Variants in CCDC171 observed in about 807,000 individuals in gnomAD.
CCDC171 encodes the protein coiled-coil domain-containing protein 171.
Under a neutral mutation model 168.2 loss-of-function variants are expected in CCDC171, and 177 were observed. That is an observed-to-expected ratio of 1.05 (90% confidence interval 0.93 to 1.19). The LOEUF is 1.19. CCDC171 is among the 50% of genes most tolerant of loss of function. The probability of loss-of-function intolerance (pLI) is 0.00; values close to 1 mark genes in which losing one functional copy is unlikely to be tolerated. For synonymous variants in CCDC171, 687 were observed against 540.8 expected, an observed-to-expected ratio of 1.27 and a Z score of -3.75; for missense variants, 1,991 against 1,539.0, an observed-to-expected ratio of 1.29 and a Z score of -4.91.
intron 24 of CCDC171, among the ~76,000 whole-genome samples, chr9:15,911,298 G>A (rs1563986435): frequency 6.6e-6 from 1 of 152,172 alleles, no homozygotes; most frequent in Admixed American, 6.5e-5. Context: ...AATGACCAGT[G>A]ATGATGAGCT....
chr9:15,776,924 T>C (rs1216020893), intron 18 of CCDC171, among the ~76,000 whole-genome samples: 2 of 152,230 alleles, frequency 1.3e-5, no homozygotes, highest in Admixed American at 1.3e-4. Flanking sequence ...AGACAAGTAA[T>C]GACAGATTAA....
rs373967662 is a variant in CCDC171, at chr9:15,564,050, A to T, written c.-39A>T. On this transcript the variant is annotated 5_prime_UTR_variant, in exon 2 of 26. Transcript: ENST00000380701. ...ATCATCAAGAAAGAAATATGTCATT[A>T]AGAAATAGCAGGGTATTTTGAAAGA... 144 of 1,518,386 alleles carry T rather than the reference A, an allele frequency of 9.5e-5. No homozygotes were observed. Among genetic ancestry groups the T allele is most frequent in the Non-Finnish European group, 1.1e-4 (122 of 1,100,446 alleles). 94.1% of individuals were successfully genotyped at this position (1,518,386 alleles called of 1,614,324 possible).
chr9:15,596,570 A>G (rs2042378634), intron 6 of CCDC171, among the ~76,000 whole-genome samples: 2 of 152,154 alleles, frequency 1.3e-5, no homozygotes, highest in South Asian at 2.1e-4. Context: ...GTTTGAAGTC[A>G]GGTAGCGTGA....
chr9:16,054,165 G>T (rs1833796705), intron 1 of CCDC171, among the ~76,000 whole-genome samples: 1 of 152,220 alleles, frequency 6.6e-6, no homozygotes, highest in South Asian at 2.1e-4. Context: ...TTTGTAGACA[G>T]CAGCTAGACC....
chr9:16,059,970 G>T (rs1833906891), intron 1 of CCDC171, among the ~76,000 whole-genome samples: 1 of 152,078 alleles, frequency 6.6e-6, no homozygotes, highest in Admixed American at 6.5e-5. Context: ...AGTTAATTCT[G>T]CTGTGTGAAA....
chr9:15,703,386 A>T, intron 11 of CCDC171, among the ~76,000 whole-genome samples: 1 of 152,320 alleles, frequency 6.6e-6, no homozygotes, highest in South Asian at 2.1e-4. Flanking sequence ...ATCCTTGTTT[A>T]TATCCATTAA....
intron 17 of CCDC171, 46 bp downstream of exon 17, chr9:15,744,823 A>T (rs1306878333): frequency 5.8e-6 from 9 of 1,562,694 alleles, no homozygotes; most frequent in Non-Finnish European, 7.8e-6. Flanking sequence ...ATGTAAGCGA[A>T]ATACAGTGTG....
At chr9:15,879,503 C>T (rs929178082) in intron 24 of CCDC171, among the ~76,000 whole-genome samples, 1 of 152,022 alleles carries the variant, frequency 6.6e-6, no homozygotes, top group Non-Finnish European at 1.5e-5. Context: ...ATTATAATTT[C>T]CCTATTATAC....
In CCDC171 at chr9:15,601,892, G is replaced by C. The variant is rs190253534; in HGVS notation, c.675+7720G>C. ...TTCAAAGGCCTGTGTATAAATATGT[G>C]GATGATGTGATTTTGGTCTCATTTC... is the stretch of plus-strand genomic sequence containing the variant. On this transcript the variant is annotated intron_variant, in intron 6 of 25. Transcript: ENST00000380701. Among the ~76,000 whole-genome samples the C allele has an allele frequency of 1.5e-4, 23 of 152,268 alleles. No homozygotes were observed. In the East Asian group the frequency reaches 4.1e-3, roughly 27 times the overall value.
chr9:16,005,278 C>T (rs1415496331), intron 3 of CCDC171, among the ~76,000 whole-genome samples: 1 of 152,200 alleles, frequency 6.6e-6, no homozygotes, highest in Non-Finnish European at 1.5e-5. Context: ...GACTTTTTCA[C>T]ATAGCATAGT....
At chr9:15,932,672 G>A (rs1450058353) in intron 25 of CCDC171, among the ~76,000 whole-genome samples, 2 of 151,830 alleles carry the variant, frequency 1.3e-5, no homozygotes, top group Non-Finnish European at 2.9e-5. Flanking sequence ...GAATGTGGAT[G>A]TCCTTGTTTT....
rs116823199 is a variant in CCDC171, at chr9:15,961,684, C to T, written c.3754-9925C>T. Among the ~76,000 whole-genome samples the T allele has an allele frequency of 7.0e-3, 1,063 of 152,222 alleles. 13 individuals are homozygous for T. The highest frequency in any genetic ancestry group is 0.024 in the African/African-American group (1,010 of 41,526). ...CAATTACATTTTCATTTTGACCACA[C>T]ATTTTAGAGCCATAACTATACTAAA... is the stretch of plus-strand genomic sequence containing the variant. On this transcript the variant is annotated intron_variant, in intron 25 of 25. Transcript: ENST00000380701.
rs1201037179 is a variant in CCDC171, at chr9:15,626,937, A to G, written c.822+3524A>G. On this transcript the variant is annotated intron_variant, in intron 7 of 25. Transcript: ENST00000380701. The stretch of plus-strand genomic sequence containing the variant: ...TCTGGTAGAATTTGGTTGTGAATCC[A>G]TCTGGTCCTGGACATTTTTTGGTTT... Among the ~76,000 whole-genome samples, 3 of 152,268 alleles carry G rather than the reference A, an allele frequency of 2.0e-5. No homozygotes were observed. In the East Asian group the frequency reaches 5.8e-4, roughly 29 times the overall value.
At chr9:15,953,143 T>G (rs1829400304) in intron 25 of CCDC171, among the ~76,000 whole-genome samples, 1 of 152,180 alleles carries the variant, frequency 6.6e-6, no homozygotes. Flanking sequence ...TAATTTCACT[T>G]CTTCTTTTCC....
At chr9:15,732,521 A>G (rs2054214427) in intron 16 of CCDC171, among the ~76,000 whole-genome samples, 2 of 152,154 alleles carry the variant, frequency 1.3e-5, no homozygotes, top group African/African-American at 4.8e-5. Flanking sequence ...CCTCTCCAGA[A>G]TGTCATATAA....
chr9:15,957,000 T>C (rs996701448), intron 25 of CCDC171, among the ~76,000 whole-genome samples: 2 of 151,532 alleles, frequency 1.3e-5, no homozygotes, highest in African/African-American at 4.9e-5. Context: ...AAGAACTGAC[T>C]TGAAATTTAA....
intron 25 of CCDC171, among the ~76,000 whole-genome samples, chr9:15,949,791 C>G (rs1196976329): frequency 1.3e-5 from 2 of 152,072 alleles, no homozygotes; most frequent in Admixed American, 1.3e-4. Context: ...ATTGAATACC[C>G]TTTATTTCCT....
At chr9:15,805,634 C>G (rs190791400) in intron 21 of CCDC171, among the ~76,000 whole-genome samples, 1 of 152,128 alleles carries the variant, frequency 6.6e-6, no homozygotes, top group Non-Finnish European at 1.5e-5. Context: ...AGTTCTTTTG[C>G]ATTTGCATTT....
chr9:15,973,964 C>T lies in CCDC171; in HGVS notation c.*2128C>T, dbSNP rs990707247. On this transcript the variant is annotated 3_prime_UTR_variant, in exon 26 of 26. Coordinates refer to ENST00000380701, the MANE Select transcript of CCDC171 (RefSeq NM_173550.4). ...TTTGTAAAATGTGCCTTGGAAAGGC[C>T]TTGGTCTTCTTGCCTTGATTTTATA... is the stretch of plus-strand genomic sequence containing the variant. The T allele has an allele frequency of 6.6e-6, 1 of 152,044 alleles. No individual in the cohort carries two copies. The highest frequency in any genetic ancestry group is 1.5e-5 in the Non-Finnish European group (1 of 68,016). The allele number at this position is 152,044 out of a possible 1,614,324, so 9.4% of individuals were successfully genotyped here.
Sources: allele counts gnomAD v4.1 joint callset (sites outside exome capture counted in the v4.1 genomes callset), GRCh38; gene constraint gnomAD v4.1.1; transcripts MANE v1.5; gene names NCBI Gene and HGNC (gene_info 2026-07-23, HGNC 2026-07-21).